OSBPL3: variants seen among roughly 807,000 people sequenced by gnomAD.
OSBPL3 encodes the protein oxysterol-binding protein-related protein 3.
In OSBPL3, 65 loss-of-function variants were observed where a neutral mutation model predicts 120.1. The ratio of observed to expected loss-of-function variants is 0.54; its 90% CI spans 0.44 to 0.67. OSBPL3 has a LOEUF of 0.67. Ranked by LOEUF, OSBPL3 falls within the 30% of genes least tolerant of loss-of-function variation. The pLI is 0.00. For synonymous variants in OSBPL3, 416 were observed against 402.6 expected, an observed-to-expected ratio of 1.03 and a Z score of -0.40; for missense variants, 1,004 against 1,082.1, an observed-to-expected ratio of 0.93 and a Z score of 1.01.
chr7:24,833,072 A>G lies in OSBPL3; in HGVS notation c.1746+1414T>C, dbSNP rs1033783999. Among the ~76,000 whole-genome samples, 4 of 152,260 alleles carry G rather than the reference A, an allele frequency of 2.6e-5. No homozygotes were observed. Among genetic ancestry groups the G allele is most frequent in the African/African-American group, 9.6e-5 (4 of 41,472 alleles). On this transcript the variant is annotated intron_variant, in intron 15 of 22. Transcript: ENST00000313367. This position sits in a 1 kb window ranked among gnomAD's most constrained non-coding sequence, Gnocchi z 4.4. ...AGCTGTCCACAAATGCTGACTTTTAACACTTGCTTAGAAGCTATTTCTAGA... is the reference window on the plus strand; with the variant it reads ...AGCTGTCCACAAATGCTGACTTTTAGCACTTGCTTAGAAGCTATTTCTAGA...
intron 19 of OSBPL3, 63 bp from the exon 20 acceptor site, chr7:24,810,014 A>G: frequency 6.4e-7 from 1 of 1,573,202 alleles, no homozygotes; most frequent in Non-Finnish European, 8.7e-7. Flanking sequence ...ATATTAAGGA[A>G]AGAAAAAAGG....
rs376848576 is a variant in OSBPL3 at position 24,871,908 on chromosome 7, G to A, written c.213+45C>T. The stretch of plus-strand genomic sequence containing the variant: ...GTACCTAAGAACCAGGTGCTGAGTG[G>A]GGCAGTGTGAGTGCAAATAAAGGGG... On this transcript the variant is annotated intron_variant, in intron 3 of 22. Coordinates refer to ENST00000313367, the MANE Select transcript of OSBPL3 (RefSeq NM_015550.4). This position sits in a 1 kb window ranked among gnomAD's most constrained non-coding sequence, Gnocchi z 4.8. 3.1e-5 allele frequency: 46 copies of A among 1,468,602 alleles called. No homozygotes were observed. The highest frequency in any genetic ancestry group is 4.2e-5 in the Non-Finnish European group (44 of 1,047,350). The allele number at this position is 1,468,602 out of a possible 1,614,324, so 91.0% of individuals were successfully genotyped here.
Position 24,872,263 on chromosome 7 carries a change from A to C in OSBPL3, c.97-194T>G, listed in dbSNP as rs952955827. Among the ~76,000 whole-genome samples, 2 of 151,984 alleles carry C rather than the reference A, an allele frequency of 1.3e-5. No individual in the cohort carries two copies. The highest frequency in any genetic ancestry group is 4.8e-5 in the African/African-American group (2 of 41,396). On this transcript the variant is annotated intron_variant, in intron 2 of 22. Transcript: ENST00000313367. This position sits in a 1 kb window ranked among gnomAD's most constrained non-coding sequence, Gnocchi z 4.1. The stretch of plus-strand genomic sequence containing the variant: ...TTTAATTCTATAATTTAGTGGCATC[A>C]AATTTTGGTTTTTTTAAAGCTCTTT...
chr7:24,851,534 G>A lies in OSBPL3; in HGVS notation c.1158+970C>T, dbSNP rs1799151438. On this transcript the variant is annotated intron_variant, in intron 11 of 22. Transcript: ENST00000313367. The surrounding 1 kb of genome is among the most constrained non-coding windows in gnomAD (Gnocchi z 4.1). Reference sequence around the variant, plus strand: ...TTCTAGTTCTCTCAATGCCTGTGTTGGCTTCTGGTTACAAGATCCTAAAAT... The same window carrying A: ...TTCTAGTTCTCTCAATGCCTGTGTTAGCTTCTGGTTACAAGATCCTAAAAT... Among the ~76,000 whole-genome samples the A allele has an allele frequency of 6.6e-6, 1 of 152,078 alleles. No homozygotes were observed. Among genetic ancestry groups the A allele is most frequent in the Non-Finnish European group, 1.5e-5 (1 of 68,028 alleles).
At chr7:24,876,396 A>G (rs1248807940) in intron 2 of OSBPL3, among the ~76,000 whole-genome samples, 1 of 150,254 alleles carries the variant, frequency 6.7e-6, no homozygotes, top group Non-Finnish European at 1.5e-5. Flanking sequence ...TTACCAAATA[A>G]TTTAGCAATT....
chr7:24,847,306 G>C (rs1206507526), intron 12 of OSBPL3, among the ~76,000 whole-genome samples: 2 of 152,092 alleles, frequency 1.3e-5, no homozygotes, highest in Non-Finnish European at 2.9e-5. Flanking sequence ...CCTTTGCTGG[G>C]AAAGTAAGCC....
chr7:24,802,367 C>T lies in OSBPL3; in HGVS notation c.2567+1948G>A, dbSNP rs1792466803. 2.0e-5 allele frequency among the ~76,000 whole-genome samples: 3 copies of T among 152,194 alleles called. No homozygotes were observed. The South Asian group carries it at 6.2e-4, about 32-fold the overall frequency. Reference sequence around the variant, plus strand: ...TGAACAGTCCCAAGGAGGACTGCTACTGCTGAACAACTCTCGCTCTTTCTC... The same window carrying T: ...TGAACAGTCCCAAGGAGGACTGCTATTGCTGAACAACTCTCGCTCTTTCTC... On this transcript the variant is annotated intron_variant, in intron 22 of 22. Transcript: ENST00000313367. This position sits in a 1 kb window ranked among gnomAD's most constrained non-coding sequence, Gnocchi z 4.1.
At position 24,861,618 on chromosome 7, in the gene OSBPL3, T is replaced by A; in HGVS notation, c.1022A>T (p.His341Leu). The change falls in exon 10 of 23, where the codon CAT (histidine) becomes CTT (leucine). Residue 341 changes from histidine to leucine, a missense_variant. His to Leu is a moderately conservative substitution (Grantham distance 99, BLOSUM62 -3). Coordinates refer to ENST00000313367, the MANE Select transcript of OSBPL3 (RefSeq NM_015550.4). ...KMQEDLCHIAHKVYFTLRSAF... is the reference protein window; with the variant it reads ...KMQEDLCHIALKVYFTLRSAF... ...AAGAAAGAAAACTCATTTACCTTTA[T>A]GGGCAATATGACACAGATCTTCTTG... is the stretch of plus-strand genomic sequence containing the variant. The A allele has an allele frequency of 6.3e-7, 1 of 1,587,142 alleles. No homozygotes were observed. Among genetic ancestry groups the A allele is most frequent in the Non-Finnish European group, 8.6e-7 (1 of 1,169,156 alleles).
In OSBPL3 at chr7:24,980,144, G is replaced by C. The variant is rs989093903; in HGVS notation, c.-408C>G. The C allele has an allele frequency of 1.5e-6, 1 of 675,792 alleles. No homozygotes were observed. Among genetic ancestry groups the C allele is most frequent in the East Asian group, 1.4e-4 (1 of 7,362 alleles). The allele number at this position is 675,792 out of a possible 1,614,324, so 41.9% of individuals were successfully genotyped here. ...GCCGGCTGGCGGGCGCCACCAGCAC[G>C]CGGCCAGTTCTGAGTACTTTGCCCA... On this transcript the variant is annotated 5_prime_UTR_variant, in exon 1 of 23. Transcript: ENST00000313367.
rs904981609 is a variant in OSBPL3, at chr7:24,818,944, C to A, written c.1948+1231G>T. Among the ~76,000 whole-genome samples the A allele has an allele frequency of 7.2e-5, 11 of 152,080 alleles. No homozygotes were observed. Among genetic ancestry groups the A allele is most frequent in the African/African-American group, 2.4e-4 (10 of 41,482 alleles). On this transcript the variant is annotated intron_variant, in intron 17 of 22. Coordinates refer to ENST00000313367, the MANE Select transcript of OSBPL3 (RefSeq NM_015550.4). This position sits in a 1 kb window ranked among gnomAD's most constrained non-coding sequence, Gnocchi z 4.0. ...GCACACAAAACTACTTTGAGAAGAC[C>A]CCTCGCATTAAAAAAAAATCCAACT...
At chr7:24,928,245 G>A (rs898959714) in intron 1 of OSBPL3, among the ~76,000 whole-genome samples, 10 of 147,444 alleles carry the variant, frequency 6.8e-5, no homozygotes, top group African/African-American at 2.5e-4. Context: ...AGGCTGGAGT[G>A]CAGCAGCACG....
At chr7:24,884,276 T>C (rs373157681) in intron 2 of OSBPL3, among the ~76,000 whole-genome samples, 3 of 152,196 alleles carry the variant, frequency 2.0e-5, no homozygotes, top group East Asian at 1.9e-4. Flanking sequence ...AGAAACCCAG[T>C]GCTCTCCAAA....
chr7:24,955,219 T>C lies in OSBPL3; in HGVS notation c.-150+24667A>G, dbSNP rs1047521091. ...AATAAAGTTATAGTTCAATCATTCA[T>C]GAATTTGCTGAAAGCCAGTAGCAGG... On this transcript the variant is annotated intron_variant, in intron 1 of 22. Coordinates refer to ENST00000313367, the MANE Select transcript of OSBPL3 (RefSeq NM_015550.4). This position sits in a 1 kb window ranked among gnomAD's most constrained non-coding sequence, Gnocchi z 4.3. 2.6e-5 allele frequency among the ~76,000 whole-genome samples: 4 copies of C among 152,258 alleles called. No homozygotes were observed. Among genetic ancestry groups the C allele is most frequent in the Non-Finnish European group, 1.5e-5 (1 of 68,040 alleles).
At position 24,834,757 on chromosome 7, in the gene OSBPL3, G is replaced by T; in HGVS notation, c.1496-21C>A. On this transcript the variant is annotated intron_variant, in intron 14 of 22. Transcript: ENST00000313367. This position sits in a 1 kb window ranked among gnomAD's most constrained non-coding sequence, Gnocchi z 5.2. ...AGGCCCTGAAAGGGAAAGAGGCCTG[G>T]TTGTCTCTATAAAGCTTTTCATTTT... 1 of 1,567,410 alleles carries T rather than the reference G, an allele frequency of 6.4e-7. No individual in the cohort carries two copies.
chr7:24,915,821 C>G (rs2128431859), intron 1 of OSBPL3, among the ~76,000 whole-genome samples: 1 of 152,208 alleles, frequency 6.6e-6, no homozygotes, highest in Middle Eastern at 3.4e-3. Flanking sequence ...GTGGTCCACC[C>G]ACCTCGGCAT....
Position 24,854,835 on chromosome 7 carries a change from A to C in OSBPL3, c.1028-2201T>G, listed in dbSNP as rs1365239627. Among the ~76,000 whole-genome samples, 1 of 152,180 alleles carries C rather than the reference A, an allele frequency of 6.6e-6. No homozygotes were observed. The highest frequency in any genetic ancestry group is 6.5e-5 in the Admixed American group (1 of 15,280). ...ATAACTTTTACTTTAAATGGTTGTC[A>C]TGAGGATTGAATGAGAGAGGGAATG... is the stretch of plus-strand genomic sequence containing the variant. On this transcript the variant is annotated intron_variant, in intron 10 of 22. Coordinates refer to ENST00000313367, the MANE Select transcript of OSBPL3 (RefSeq NM_015550.4). The surrounding 1 kb of genome is among the most constrained non-coding windows in gnomAD (Gnocchi z 4.1).
In OSBPL3 at chr7:24,851,275, G is replaced by A. The variant is rs1354216005; in HGVS notation, c.1158+1229C>T. ...CTGTCTTGTACAATAAAAAGGGGGC[G>A]ATTCTATCTGTGACCTTAAGACAAC... On this transcript the variant is annotated intron_variant, in intron 11 of 22. Coordinates refer to ENST00000313367, the MANE Select transcript of OSBPL3 (RefSeq NM_015550.4). This position sits in a 1 kb window ranked among gnomAD's most constrained non-coding sequence, Gnocchi z 4.1. Among the ~76,000 whole-genome samples, 2 of 152,150 alleles carry A rather than the reference G, an allele frequency of 1.3e-5. No individual in the cohort carries two copies. Among genetic ancestry groups the A allele is most frequent in the South Asian group, 2.1e-4 (1 of 4,818 alleles).
rs558689669 is a variant in OSBPL3, at chr7:24,898,021, T to C, written c.-149-5400A>G. ...ATATATAAAGAAATTATGTCCTGAA[T>C]TAACGTTAGAAATTTTTTAAGTGGG... On this transcript the variant is annotated intron_variant, in intron 1 of 22. Coordinates refer to ENST00000313367, the MANE Select transcript of OSBPL3 (RefSeq NM_015550.4). The surrounding 1 kb of genome is among the most constrained non-coding windows in gnomAD (Gnocchi z 4.3). Among the ~76,000 whole-genome samples the C allele has an allele frequency of 8.5e-5, 13 of 152,382 alleles. No homozygotes were observed. The highest frequency in any genetic ancestry group is 2.1e-4 in the South Asian group (1 of 4,830).
intron 1 of OSBPL3, among the ~76,000 whole-genome samples, chr7:24,960,292 C>T (rs1057190774): frequency 6.6e-6 from 1 of 152,112 alleles, no homozygotes; most frequent in Non-Finnish European, 1.5e-5. Context: ...TCTCATAATA[C>T]AAAGGCATGC....
Sources: allele counts gnomAD v4.1 joint callset (sites outside exome capture counted in the v4.1 genomes callset), GRCh38; gene constraint gnomAD v4.1.1; non-coding constraint Gnocchi (gnomAD v3.1); transcripts MANE v1.5; gene names NCBI Gene and HGNC (gene_info 2026-07-23, HGNC 2026-07-21).